CEP85L: variants seen among roughly 807,000 people sequenced by gnomAD.
CEP85L encodes the protein centrosomal protein of 85 kDa-like.
A neutral mutation model predicts 100.3 loss-of-function variants in CEP85L; 60 were observed. That is an observed-to-expected ratio of 0.60 (90% confidence interval 0.49 to 0.74). The LOEUF is 0.74. CEP85L is among the 30% of genes least tolerant of loss of function. The probability of loss-of-function intolerance (pLI) is 0.00; values close to 1 mark genes in which losing one functional copy is unlikely to be tolerated. For synonymous variants in CEP85L, 319 were observed against 322.7 expected (o/e 0.99, Z 0.12); for missense variants, 973 against 936.2 (o/e 1.04, Z -0.51).
rs1039430346 is a variant in CEP85L at position 118,590,432 on chromosome 6, A to G, written c.233-24116T>C. 1.7e-4 allele frequency among the ~76,000 whole-genome samples: 26 copies of G among 152,306 alleles called. 3 individuals are homozygous for G. The highest frequency in any genetic ancestry group is 1.1e-3 in the Admixed American group (17 of 15,288). On this transcript the variant is annotated intron_variant, in intron 2 of 12. Coordinates refer to ENST00000368491, the MANE Select transcript of CEP85L (RefSeq NM_001042475.3). ...CCTGCCTCAACTTCTTGTCACCACA[A>G]GTGCCTAGCATCATGGACACCACCA...
At chr6:118,617,198 G>A (rs960081570) in intron 2 of CEP85L, among the ~76,000 whole-genome samples, 2 of 152,192 alleles carry the variant, frequency 1.3e-5, no homozygotes, top group Admixed American at 6.5e-5. Context: ...TTCGGTTCTG[G>A]ATAAATAATA....
intron 2 of CEP85L, among the ~76,000 whole-genome samples, chr6:118,619,599 G>A (rs928452912): frequency 6.6e-6 from 1 of 152,108 alleles, no homozygotes; most frequent in Non-Finnish European, 1.5e-5. Context: ...TAAACTCCGC[G>A]AACCAGGCGC....
chr6:118,572,702 C>T (rs1409522461), intron 2 of CEP85L, among the ~76,000 whole-genome samples: 1 of 152,010 alleles, frequency 6.6e-6, no homozygotes, highest in Non-Finnish European at 1.5e-5. Context: ...AAAGAGTCTC[C>T]TAGGAATGTA....
chr6:118,687,714 G>A (rs746352150), intron 1 of CEP85L, among the ~76,000 whole-genome samples: 4 of 152,168 alleles, frequency 2.6e-5, no homozygotes, highest in Non-Finnish European at 5.9e-5. Flanking sequence ...CACTCTTCTG[G>A]TCCGTGTTTG....
At chr6:118,484,223 T>C (rs1187339178) in intron 6 of CEP85L, among the ~76,000 whole-genome samples, 1 of 152,108 alleles carries the variant, frequency 6.6e-6, no homozygotes, top group Non-Finnish European at 1.5e-5. Flanking sequence ...GGCTGAGGTA[T>C]GAGAATCGCT....
intron 2 of CEP85L, among the ~76,000 whole-genome samples, chr6:118,607,570 G>C (rs1397263537): frequency 6.6e-6 from 1 of 152,182 alleles, no homozygotes; most frequent in Non-Finnish European, 1.5e-5. Context: ...ACATCCAATA[G>C]TGACGAGAGG....
chr6:118,702,731 T>A (rs1450779556), intron 1 of CEP85L, among the ~76,000 whole-genome samples: 4 of 152,232 alleles, frequency 2.6e-5, no homozygotes, highest in Non-Finnish European at 5.9e-5. Flanking sequence ...GCACGGCGGC[T>A]CACGCCTGTA....
intron 2 of CEP85L, among the ~76,000 whole-genome samples, chr6:118,568,718 C>A (rs1779691819): frequency 6.6e-6 from 1 of 152,014 alleles, no homozygotes; most frequent in Non-Finnish European, 1.5e-5. Flanking sequence ...AAACAACTGG[C>A]AAACACAGTG....
chr6:118,547,336 TC>T (rs936454787), intron 3 of CEP85L, among the ~76,000 whole-genome samples: 19 of 152,228 alleles, frequency 1.2e-4, no homozygotes, highest in African/African-American at 4.1e-4. Flanking sequence ...TACTAGCATC[TC>T]ATTTTTATAG....
intron 3 of CEP85L, among the ~76,000 whole-genome samples, chr6:118,557,790 T>C (rs1778965235): frequency 6.6e-6 from 1 of 152,184 alleles, no homozygotes; most frequent in African/African-American, 2.4e-5. Flanking sequence ...CAATAAACGC[T>C]ATGGCACAAA....
chr6:118,555,707 A>G (rs1778821859), intron 3 of CEP85L, among the ~76,000 whole-genome samples: 1 of 152,286 alleles, frequency 6.6e-6, no homozygotes, highest in Admixed American at 6.5e-5. Flanking sequence ...TTACACAGGT[A>G]AACACATGTC....
intron 2 of CEP85L, among the ~76,000 whole-genome samples, chr6:118,600,370 T>TGTGTGTGCGCGTGCGCGTGG (rs58066356): frequency 1.2e-5 from 1 of 86,368 alleles, no homozygotes; most frequent in African/African-American, 4.2e-5. Context: ...TGTGTGTGTG[T>TGTGTGTGCGCGTGCGCGTGG]AACGCCATGG....
At chr6:118,672,786 A>AGAAGGAGGAGGAG (rs146940102) in intron 1 of CEP85L, among the ~76,000 whole-genome samples, 27,440 of 149,574 alleles carry the variant, frequency 0.18, 3,162 homozygotes, top group Non-Finnish European at 0.26. Flanking sequence ...AGAAGAAAGA[A>AGAAGGAGGAGGAG]GAAGGAGGAG....
chr6:118,462,181 A>G lies in CEP85L; in HGVS notation c.*3224T>C, dbSNP rs569785148. On this transcript the variant is annotated 3_prime_UTR_variant, in exon 13 of 13. Coordinates refer to ENST00000368491, the MANE Select transcript of CEP85L (RefSeq NM_001042475.3). Reference sequence around the variant, plus strand: ...AAAGAAGTCTAATTAGGTTTAATAAACTGTCACCACCAAAATAAATTTCAC... The same window carrying G: ...AAAGAAGTCTAATTAGGTTTAATAAGCTGTCACCACCAAAATAAATTTCAC... The G allele has an allele frequency of 6.6e-6, 1 of 152,130 alleles. No homozygotes were observed. The highest frequency in any genetic ancestry group is 2.4e-5 in the African/African-American group (1 of 41,560). The allele number at this position is 152,130 out of a possible 1,614,324, so 9.4% of individuals were successfully genotyped here.
intron 7 of CEP85L, among the ~76,000 whole-genome samples, chr6:118,483,175 A>C (rs1297407397): frequency 6.6e-6 from 1 of 152,104 alleles, no homozygotes; most frequent in Non-Finnish European, 1.5e-5. Context: ...TTTATAAATA[A>C]GGTTTCAAGA....
chr6:118,633,409 T>C (rs1001333549), intron 1 of CEP85L, among the ~76,000 whole-genome samples: 6 of 152,156 alleles, frequency 3.9e-5, no homozygotes, highest in Non-Finnish European at 1.5e-5. Context: ...TTTCACCGTG[T>C]TAACCAGGAT....
rs545481502 is a variant in CEP85L, at chr6:118,627,155, C to T, written c.232+5298G>A. Among the ~76,000 whole-genome samples the T allele has an allele frequency of 8.0e-5, 12 of 149,458 alleles. No homozygotes were observed. The South Asian group carries it at 1.5e-3, about 19-fold the overall frequency. On this transcript the variant is annotated intron_variant, in intron 2 of 12. Coordinates refer to ENST00000368491, the MANE Select transcript of CEP85L (RefSeq NM_001042475.3). ...CAGAGGTTACAGTGAGACAAAATCC[C>T]GCCACCGCACTCCTGCCTGGACAAC... is the stretch of plus-strand genomic sequence containing the variant.
chr6:118,495,026 G>A (rs1774829667), intron 5 of CEP85L, among the ~76,000 whole-genome samples: 1 of 151,734 alleles, frequency 6.6e-6, no homozygotes, highest in South Asian at 2.1e-4. Context: ...CAGAAATAAA[G>A]AATGTCCTTG....
intron 1 of CEP85L, among the ~76,000 whole-genome samples, chr6:118,684,979 A>T (rs1030603094): frequency 6.6e-6 from 1 of 152,222 alleles, no homozygotes; most frequent in African/African-American, 2.4e-5. Context: ...AAAGGAACTT[A>T]GAATCTCATT....
Sources: gnomAD v4.1 joint callset for allele counts (sites outside exome capture counted in the v4.1 genomes callset) on GRCh38, gnomAD v4.1.1 for gene constraint, MANE v1.5 for transcripts, NCBI Gene and HGNC (gene_info 2026-07-23, HGNC 2026-07-21) for gene names.